The following TRIO variants were observed in gnomAD, a reference collection of about 807,000 sequenced individuals.
TRIO encodes the protein trio Rho guanine nucleotide exchange factor, also known as triple functional domain protein.
Under a neutral mutation model 351.9 loss-of-function variants are expected in TRIO, and 58 were observed. The observed-to-expected ratio is 0.16, with a 90% CI of 0.13 to 0.21. The LOEUF (loss-of-function observed/expected upper bound fraction) is 0.21. Among genes scored for constraint, TRIO ranks in the 10% least tolerant of loss-of-function variants. The pLI is 1.00. For missense variants in TRIO, 3,201 were observed against 4,027.8 expected (o/e 0.79, Z 5.56); for synonymous variants, 1,758 against 1,595.7 (o/e 1.10, Z -2.42).
At chr5:14,202,549 A>C (rs1012616700) in intron 1 of TRIO, among the ~76,000 whole-genome samples, 1 of 151,666 alleles carries the variant, frequency 6.6e-6, no homozygotes, top group African/African-American at 2.4e-5. Context: ...CTTTAATTGT[A>C]GCTCTCATAA....
chr5:14,411,433 C>T (rs371248433), intron 33 of TRIO, among the ~76,000 whole-genome samples: 1 of 152,140 alleles, frequency 6.6e-6, no homozygotes, highest in African/African-American at 2.4e-5. Context: ...AAAGCCGGCC[C>T]GAGCCAGCAG....
intron 18 of TRIO, among the ~76,000 whole-genome samples, chr5:14,372,809 T>C (rs1231162238): frequency 6.6e-6 from 1 of 152,238 alleles, no homozygotes; most frequent in Non-Finnish European, 1.5e-5. Flanking sequence ...TGCTTAGCTG[T>C]CCTTAGCCAT....
intron 27 of TRIO, among the ~76,000 whole-genome samples, chr5:14,391,756 A>G (rs1161820415): frequency 6.6e-6 from 1 of 152,252 alleles, no homozygotes; most frequent in African/African-American, 2.4e-5. Flanking sequence ...ACACTTGTGC[A>G]TGGACTGGTG....
At chr5:14,271,373 A>G (rs1373062912) in intron 2 of TRIO, among the ~76,000 whole-genome samples, 2 of 152,118 alleles carry the variant, frequency 1.3e-5, no homozygotes, top group Non-Finnish European at 2.9e-5. Context: ...TCATGGAGTA[A>G]CTAGGACCCA....
At chr5:14,470,149 C>G (rs540010409) in intron 37 of TRIO, among the ~76,000 whole-genome samples, 3 of 152,204 alleles carry the variant, frequency 2.0e-5, no homozygotes, top group Admixed American at 2.0e-4. Flanking sequence ...TCCTGTTTTT[C>G]AAAAATAAGA....
intron 9 of TRIO, among the ~76,000 whole-genome samples, chr5:14,323,695 G>A (rs932804179): frequency 5.9e-5 from 9 of 152,328 alleles, no homozygotes; most frequent in African/African-American, 1.7e-4. Context: ...CTTGGCCTCC[G>A]TGGGAGAGGG....
intron 11 of TRIO, among the ~76,000 whole-genome samples, chr5:14,346,051 T>G (rs1274769334): frequency 6.6e-6 from 1 of 152,344 alleles, no homozygotes; most frequent in South Asian, 2.1e-4. Flanking sequence ...GTAGAGAGAT[T>G]GGCCAACAAT....
rs181932309 is a variant in TRIO, at chr5:14,286,109, A to G, written c.348-762A>G. Among the ~76,000 whole-genome samples the G allele has an allele frequency of 1.6e-4, 25 of 152,132 alleles. No homozygotes were observed. The South Asian group carries it at 2.3e-3, about 14-fold the overall frequency. ...CTGGCACTTTTTTTTTTTAAGTGCA[A>G]TAATGTGGAGAGGAAGAACATAGTG... On this transcript the variant is annotated intron_variant, in intron 3 of 56. Transcript: ENST00000344204. The surrounding 1 kb of genome is among the most constrained non-coding windows in gnomAD (Gnocchi z 4.4).
intron 31 of TRIO, among the ~76,000 whole-genome samples, chr5:14,405,611 C>T (rs1364057918): frequency 6.6e-6 from 1 of 152,026 alleles, no homozygotes; most frequent in Non-Finnish European, 1.5e-5. Flanking sequence ...TGGATTATTG[C>T]AATAGTCAGA....
intron 56 of TRIO, 111 bp downstream of exon 56, chr5:14,507,371 A>C: frequency 6.1e-6 from 9 of 1,485,488 alleles, no homozygotes; most frequent in Non-Finnish European, 8.1e-6. Flanking sequence ...GACTAGGGAC[A>C]AAAAGGGTGG....
At chr5:14,162,589 C>G (rs1209208136) in intron 1 of TRIO, among the ~76,000 whole-genome samples, 2 of 152,086 alleles carry the variant, frequency 1.3e-5, no homozygotes, top group African/African-American at 2.4e-5. Context: ...TGTATATTTT[C>G]CCCTCAGTTC....
At position 14,389,347 on chromosome 5, in the gene TRIO, A is replaced by G; in HGVS notation, c.4007A>G (p.Lys1336Arg). The G allele has an allele frequency of 6.2e-7, 1 of 1,612,892 alleles. No individual in the cohort carries two copies. Among genetic ancestry groups the G allele is most frequent in the Non-Finnish European group, 8.5e-7 (1 of 1,179,576 alleles). Residue 1336 changes from lysine (K) to arginine (R), a missense_variant, in exon 25 of 57, where the codon AAA (lysine) becomes AGA (arginine). Coordinates refer to ENST00000344204, the MANE Select transcript of TRIO (RefSeq NM_007118.4). ...VEEIPPGIVN[K>R]ELIIFGNMQE... ...GAGATTCCACCTGGCATTGTAAACA[A>G]AGAACTCATCATCTTCGGAAACATG...
chr5:14,446,186 G>C (rs1752427321), intron 34 of TRIO, among the ~76,000 whole-genome samples: 1 of 146,900 alleles, frequency 6.8e-6, no homozygotes, highest in Admixed American at 6.7e-5. Flanking sequence ...TGATCACTCC[G>C]AGGCTTGACA....
chr5:14,329,007 C>T (rs977118221), intron 9 of TRIO, among the ~76,000 whole-genome samples: 3 of 152,202 alleles, frequency 2.0e-5, no homozygotes, highest in African/African-American at 7.2e-5. Flanking sequence ...AAAGGACCCT[C>T]TGCCAGGCCC....
At chr5:14,437,444 C>T (rs1290252062) in intron 34 of TRIO, among the ~76,000 whole-genome samples, 2 of 152,182 alleles carry the variant, frequency 1.3e-5, no homozygotes, top group Non-Finnish European at 2.9e-5. Context: ...TAGTACCCCT[C>T]ACACACTCAT....
In TRIO at chr5:14,397,377, C is replaced by G. The variant is rs1048285349; in HGVS notation, c.4423+223C>G. 8.6e-5 allele frequency: 40 copies of G among 467,756 alleles called. No individual in the cohort carries two copies. In the East Asian group the frequency reaches 1.5e-3, roughly 17 times the overall value. 29.0% of individuals were successfully genotyped at this position (467,756 alleles called of 1,614,324 possible). A position where few individuals can be genotyped will look rare whatever the true frequency, so the allele number is the denominator to read the frequency against. On this transcript the variant is annotated intron_variant, in intron 29 of 56. Coordinates refer to ENST00000344204, the MANE Select transcript of TRIO (RefSeq NM_007118.4). ...GTCCCTTCACTGGAAAACAGCCTCT[C>G]CACACTCTGGACTCCAATAGCACTT...
At position 14,433,523 on chromosome 5, in the gene TRIO, G is replaced by A. The variant is rs962109774; in HGVS notation, c.5203+13502G>A. On this transcript the variant is annotated intron_variant, in intron 34 of 56. Coordinates refer to ENST00000344204, the MANE Select transcript of TRIO (RefSeq NM_007118.4). The stretch of plus-strand genomic sequence containing the variant: ...TGGACATATTGTGCAGAGCGGAAAC[G>A]CATGGGGAAGAAAACAAGGGCCAGG... Among the ~76,000 whole-genome samples the A allele has an allele frequency of 5.3e-5, 8 of 152,342 alleles. No homozygotes were observed. In the East Asian group the frequency reaches 5.8e-4, roughly 11 times the overall value.
At chr5:14,470,353 T>G (rs757940639) in intron 37 of TRIO, among the ~76,000 whole-genome samples, 3 of 152,122 alleles carry the variant, frequency 2.0e-5, no homozygotes, top group Non-Finnish European at 4.4e-5. Flanking sequence ...GTATTGTTTT[T>G]GCATTTTGTA....
At chr5:14,355,215 T>G (rs192858563) in intron 11 of TRIO, among the ~76,000 whole-genome samples, 1 of 152,356 alleles carries the variant, frequency 6.6e-6, no homozygotes, top group Admixed American at 6.5e-5. Context: ...TGTTTTTGAT[T>G]AAATATTTTG....
Sources: gnomAD v4.1 joint callset for allele counts (sites outside exome capture counted in the v4.1 genomes callset) on GRCh38, gnomAD v4.1.1 for gene constraint, Gnocchi (gnomAD v3.1) non-coding constraint, MANE v1.5 for transcripts, NCBI Gene and HGNC (gene_info 2026-07-23, HGNC 2026-07-21) for gene names.